The following KPNB1 variants were observed in gnomAD, a reference collection of about 807,000 sequenced individuals.
KPNB1 encodes the protein importin subunit beta-1.
A neutral mutation model predicts 113.0 loss-of-function variants in KPNB1; 7 were observed. The observed-to-expected ratio is 0.06, with a 90% CI of 0.04 to 0.12. KPNB1 has a LOEUF of 0.12. Ranked by LOEUF, KPNB1 falls within the 10% of genes least tolerant of loss-of-function variation. KPNB1 has a pLI of 1.00. For missense variants in KPNB1, 400 were observed against 1,054.8 expected (o/e 0.38, Z 8.60); for synonymous variants, 363 against 378.6 (o/e 0.96, Z 0.48).
At chr17:47,656,745 CTT>C (rs1243162851) in intron 3 of KPNB1, 113 bp from the exon 4 acceptor site, 1 of 1,029,280 alleles carries the variant, frequency 9.7e-7, no homozygotes, top group Non-Finnish European at 1.4e-6. Context: ...GAGACCCTGT[CTT>C]AAGAAAGAAA....
chr17:47,665,147 C>T lies in KPNB1; in HGVS notation c.988C>T (p.Leu330=), dbSNP rs1266175620. ...TCTGGTTCCAATCCTCACACAGACA[C>T]TAACTAAACAGGTGAGTTACCTTCC... The part of the protein sequence containing the change: ...QYLVPILTQT[L]TKQDENDDDD... Residue 330 remains leucine (L), a synonymous_variant, in exon 9 of 22, where the codon CTA becomes TTA. Transcript: ENST00000290158. 3 of 1,612,612 alleles carry T rather than the reference C, an allele frequency of 1.9e-6. No individual in the cohort carries two copies. The highest frequency in any genetic ancestry group is 1.3e-5 in the African/African-American group (1 of 75,000).
Position 47,652,914 on chromosome 17 carries a change from G to A in KPNB1, c.282+38G>A, listed in dbSNP as rs376983388. ...TATCTGTTTGGTTATATTGCCCAGA[G>A]AACAAGAAATCGCTTTCTCAGATCT... On this transcript the variant is annotated intron_variant, in intron 3 of 21. Transcript: ENST00000290158. 40 of 1,468,682 alleles carry A rather than the reference G, an allele frequency of 2.7e-5. No homozygotes were observed. In the African/African-American group the frequency reaches 5.3e-4, roughly 19 times the overall value. The allele number at this position is 1,468,682 out of a possible 1,614,324, so 91.0% of individuals were successfully genotyped here.
intron 4 of KPNB1, among the ~76,000 whole-genome samples, 160 bp from the exon 5 acceptor site, chr17:47,658,348 A>T (rs1448537264): frequency 6.6e-6 from 1 of 152,350 alleles, no homozygotes; most frequent in Non-Finnish European, 1.5e-5. Flanking sequence ...GATGACAAGA[A>T]AAAAAGGTGT....
intron 15 of KPNB1, among the ~76,000 whole-genome samples, chr17:47,675,361 G>GTTGTTTTTT (rs1567894260): frequency 9.0e-5 from 8 of 88,692 alleles, no homozygotes; most frequent in Non-Finnish European, 1.8e-4. Context: ...CAGAGGTGTT[G>GTTGTTTTTT]TTTTTTTTTT....
chr17:47,679,234 C>G (rs78188459), intron 19 of KPNB1, among the ~76,000 whole-genome samples: 499 of 152,190 alleles, frequency 3.3e-3, no homozygotes, highest in African/African-American at 0.012. Flanking sequence ...CCCTCTGCTT[C>G]TTTTTCTCAT....
intron 6 of KPNB1, among the ~76,000 whole-genome samples, chr17:47,661,802 C>T (rs1251814079): frequency 6.6e-6 from 1 of 152,030 alleles, no homozygotes; most frequent in Non-Finnish European, 1.5e-5. Context: ...TATGTATACA[C>T]AAATAAACAG....
Position 47,664,139 on chromosome 17 carries a change from G to C in KPNB1, c.787-20G>C. 1 of 1,522,616 alleles carries C rather than the reference G, an allele frequency of 6.6e-7. No homozygotes were observed. The highest frequency in any genetic ancestry group is 9.1e-7 in the Non-Finnish European group (1 of 1,097,142). The allele number at this position is 1,522,616 out of a possible 1,614,324, so 94.3% of individuals were successfully genotyped here. A position where few individuals can be genotyped will look rare whatever the true frequency, so the allele number is the denominator to read the frequency against. Reference sequence around the variant, plus strand: ...TTGAATCAGTACTTATTTGGGGCCTGGGGTGTTTTTCTTCTTAAGATCACA... The same window carrying C: ...TTGAATCAGTACTTATTTGGGGCCTCGGGTGTTTTTCTTCTTAAGATCACA... On this transcript the variant is annotated intron_variant, in intron 7 of 21. Coordinates refer to ENST00000290158, the MANE Select transcript of KPNB1 (RefSeq NM_002265.6).
chr17:47,681,055 T>TGTGTGTGTGTGTGTG (rs1567896335), intron 21 of KPNB1, among the ~76,000 whole-genome samples: 1 of 147,126 alleles, frequency 6.8e-6, no homozygotes, highest in Admixed American at 6.8e-5. Context: ...AAATGTTTTT[T>TGTGTGTGTGTGTGTG]TGTGTGTGTG....
At chr17:47,661,431 C>T (rs899866389) in intron 6 of KPNB1, among the ~76,000 whole-genome samples, 1 of 151,810 alleles carries the variant, frequency 6.6e-6, no homozygotes, top group Admixed American at 6.6e-5. Context: ...GAAACCCTGT[C>T]TCTACTAAAA....
intron 14 of KPNB1, 95 bp from the exon 15 acceptor site, chr17:47,674,543 A>G (rs2030539498): frequency 7.9e-7 from 1 of 1,258,386 alleles, no homozygotes; most frequent in Non-Finnish European, 1.1e-6. Context: ...ATTAAAAAAT[A>G]TCAAGGGACT....
Position 47,669,668 on chromosome 17 carries a change from AT to A in KPNB1, c.1225-9del. The A allele has an allele frequency of 6.3e-7, 1 of 1,575,310 alleles. No individual in the cohort carries two copies. Among genetic ancestry groups the A allele is most frequent in the Non-Finnish European group, 8.7e-7 (1 of 1,147,116 alleles). ...TTGTTTTGCTTTGCTAATAACTGTT[AT>A]ATTTTCAGGCTATGCCCACCCTAAT... On this transcript the variant is annotated splice_polypyrimidine_tract_variant and intron_variant, in intron 10 of 21. Coordinates refer to ENST00000290158, the MANE Select transcript of KPNB1 (RefSeq NM_002265.6).
intron 13 of KPNB1, 24 bp downstream of exon 13, chr17:47,673,189 C>T (rs1314870376): frequency 6.8e-6 from 11 of 1,611,914 alleles, no homozygotes; most frequent in Non-Finnish European, 9.3e-6. Context: ...GTGCCCCTGA[C>T]TATGGGTGGG....
intron 21 of KPNB1, among the ~76,000 whole-genome samples, chr17:47,681,331 C>A (rs963433367): frequency 6.8e-6 from 1 of 146,854 alleles, no homozygotes; most frequent in Non-Finnish European, 1.5e-5. Context: ...TGCAGTGGTG[C>A]GATCTCAGCT....
At chr17:47,670,656 G>T in intron 11 of KPNB1, 46 bp from the exon 12 acceptor site, 1 of 1,556,764 alleles carries the variant, frequency 6.4e-7, no homozygotes, top group Non-Finnish European at 8.8e-7. Flanking sequence ...TAATCCTAAG[G>T]TGTGGGGTTC....
chr17:47,668,417 C>T lies in KPNB1; in HGVS notation c.1224+7C>T, dbSNP rs767687499. On this transcript the variant is annotated splice_region_variant and intron_variant, in intron 10 of 21. Coordinates refer to ENST00000290158, the MANE Select transcript of KPNB1 (RefSeq NM_002265.6). The stretch of plus-strand genomic sequence containing the variant: ...CAAACCACTAGTTATACAGGTGAAA[C>T]TGAGGGATTTTTGGAGTAGAAAGTA... 6.2e-7 allele frequency: 1 copy of T among 1,606,676 alleles called. No individual in the cohort carries two copies. The highest frequency in any genetic ancestry group is 8.5e-7 in the Non-Finnish European group (1 of 1,173,470).
chr17:47,661,689 C>T (rs1447373873), intron 6 of KPNB1, among the ~76,000 whole-genome samples: 3 of 152,138 alleles, frequency 2.0e-5, no homozygotes, highest in Non-Finnish European at 2.9e-5. Flanking sequence ...TGGTGGCTCA[C>T]ACTATAATCC....
chr17:47,665,233 A>T lies in KPNB1; in HGVS notation c.999+75A>T, dbSNP rs868829351. ...AGTAAACTGTGGAAACTTTCCATGG[A>T]AGGAACTTCGCAGCCCATCAACTAT... On this transcript the variant is annotated intron_variant, in intron 9 of 21. Transcript: ENST00000290158. 17 of 1,176,776 alleles carry T rather than the reference A, an allele frequency of 1.4e-5. 1 individual carries two copies. The Middle Eastern group carries it at 6.1e-4, about 42-fold the overall frequency. 72.9% of individuals were successfully genotyped at this position (1,176,776 alleles called of 1,614,324 possible). A position where few individuals can be genotyped will look rare whatever the true frequency, so the allele number is the denominator to read the frequency against.
At chr17:47,658,750 G>C (rs1182410914) in intron 5 of KPNB1, 90 bp downstream of exon 5, 25 of 1,137,242 alleles carry the variant, frequency 2.2e-5, no homozygotes, top group Non-Finnish European at 3.1e-5. Context: ...TTAAGTTTAT[G>C]GTTTAGAAAG....
rs1482434906 is a variant in KPNB1, at chr17:47,663,166, T to C, written c.774T>C (p.Pro258=). ...YYQYMETYMG[P]ALFAITIEAM... ...AGTACATGGAGACATATATGGGTCCTGCTCTTTTTGCAGTAAGTATTTCTA... is the reference window on the plus strand; with the variant it reads ...AGTACATGGAGACATATATGGGTCCCGCTCTTTTTGCAGTAAGTATTTCTA... The change falls in exon 7 of 22, where the codon CCT becomes CCC. Residue 258 remains proline, a synonymous_variant. Transcript: ENST00000290158. 6.6e-7 allele frequency: 1 copy of C among 1,505,602 alleles called. No homozygotes were observed. Among genetic ancestry groups the C allele is most frequent in the Admixed American group, 1.7e-5 (1 of 59,886 alleles). 93.3% of individuals were successfully genotyped at this position (1,505,602 alleles called of 1,614,324 possible). A position where few individuals can be genotyped will look rare whatever the true frequency, so the allele number is the denominator to read the frequency against.
Sources: gnomAD v4.1 joint callset for allele counts (sites outside exome capture counted in the v4.1 genomes callset) on GRCh38, gnomAD v4.1.1 for gene constraint, MANE v1.5 for transcripts, NCBI Gene and HGNC (gene_info 2026-07-23, HGNC 2026-07-21) for gene names.